Variants in C2orf66 observed in about 807,000 individuals in gnomAD.
The protein encoded by C2orf66 is uncharacterized protein C2orf66.
Under a neutral mutation model 7.0 loss-of-function variants are expected in C2orf66, and 6 were observed. That is an observed-to-expected ratio of 0.86 (90% CI 0.47 to 1.69). The LOEUF (loss-of-function observed/expected upper bound fraction) is 1.69, where lower values mean the gene tolerates loss of function less well. C2orf66 is among the 40% of genes most tolerant of loss of function. The pLI is 0.01. For missense variants in C2orf66, 107 were observed against 112.0 expected (o/e 0.96, Z 0.20); for synonymous variants, 38 against 43.8 (o/e 0.87, Z 0.52).
the C2orf66 span, among the ~76,000 whole-genome samples, chr2:196,823,800 T>C: frequency 6.6e-6 from 1 of 152,184 alleles, no homozygotes; most frequent in Non-Finnish European, 1.5e-5. Context: ...TCAGGTACAT[T>C]ATCTCATTTA....
At chr2:196,816,669 C>T in the C2orf66 span, among the ~76,000 whole-genome samples, 1 of 152,046 alleles carries the variant, frequency 6.6e-6, no homozygotes, top group Non-Finnish European at 1.5e-5. Flanking sequence ...GGTAACAAAC[C>T]AGCATGTGTA....
At chr2:196,820,957 G>A in the C2orf66 span, among the ~76,000 whole-genome samples, 1 of 152,144 alleles carries the variant, frequency 6.6e-6, no homozygotes, top group Non-Finnish European at 1.5e-5. Context: ...ATTAAGTTAA[G>A]GCTCTTGAGA....
At chr2:196,830,775 C>T in the C2orf66 span, among the ~76,000 whole-genome samples, 9 of 152,220 alleles carry the variant, frequency 5.9e-5, no homozygotes, top group Middle Eastern at 6.8e-3. Flanking sequence ...CCATGGTCTC[C>T]GGGTCTTTCT....
At chr2:196,806,419 G>C (rs1389519234) in intron 2 of C2orf66, among the ~76,000 whole-genome samples, 7 of 151,726 alleles carry the variant, frequency 4.6e-5, no homozygotes. Context: ...GGACGGTCTC[G>C]ATTTCCTGAT....
the C2orf66 span, among the ~76,000 whole-genome samples, chr2:196,815,477 G>T: frequency 6.6e-6 from 1 of 152,130 alleles, no homozygotes; most frequent in African/African-American, 2.4e-5. Flanking sequence ...TATCTAATTT[G>T]GTCTCTTCAT....
upstream of C2orf66, chr2:196,809,420 G>C: frequency 6.4e-7 from 1 of 1,569,946 alleles, no homozygotes. Flanking sequence ...GAGAGAGAAA[G>C]AGGAAACATC....
intron 1 of C2orf66, among the ~76,000 whole-genome samples, chr2:196,808,424 G>A (rs1699838902): frequency 6.6e-6 from 1 of 152,134 alleles, no homozygotes; most frequent in African/African-American, 2.4e-5. Context: ...AACTGTCATG[G>A]CACTGAGGGG....
chr2:196,826,858 C>A, the C2orf66 span, among the ~76,000 whole-genome samples: 1 of 151,848 alleles, frequency 6.6e-6, no homozygotes, highest in African/African-American at 2.4e-5. Flanking sequence ...TGGTGAAGCC[C>A]CATCTCTAAT....
the C2orf66 span, among the ~76,000 whole-genome samples, chr2:196,817,681 T>C: frequency 1.3e-5 from 2 of 152,042 alleles, no homozygotes; most frequent in South Asian, 4.1e-4. Flanking sequence ...GGTATTTCAG[T>C]CCTTATCTCA....
At chr2:196,818,936 C>T in the C2orf66 span, among the ~76,000 whole-genome samples, 414 of 152,244 alleles carry the variant, frequency 2.7e-3, 2 homozygotes, top group African/African-American at 9.5e-3. Context: ...TATCTGGATG[C>T]CCATAAAATA....
upstream of C2orf66, among the ~76,000 whole-genome samples, chr2:196,813,625 A>C (rs1699896788): frequency 6.6e-6 from 1 of 152,228 alleles, no homozygotes; most frequent in East Asian, 1.9e-4. Flanking sequence ...AGAAACTGTC[A>C]ACACAGTGAA....
chr2:196,815,871 T>C, the C2orf66 span, among the ~76,000 whole-genome samples: 1 of 152,106 alleles, frequency 6.6e-6, no homozygotes, highest in African/African-American at 2.4e-5. Flanking sequence ...AATGAGGACA[T>C]AAAATTTAAT....
At chr2:196,812,324 A>T (rs1317861532), upstream of C2orf66, among the ~76,000 whole-genome samples, 1 of 152,224 alleles carries the variant, frequency 6.6e-6, no homozygotes. Flanking sequence ...ACCAATGACA[A>T]AAACCACAAC....
At chr2:196,815,833 G>A in the C2orf66 span, among the ~76,000 whole-genome samples, 4 of 152,148 alleles carry the variant, frequency 2.6e-5, no homozygotes, top group Non-Finnish European at 4.4e-5. Flanking sequence ...AAAACCCAGA[G>A]CTGATACAGC....
chr2:196,816,626 T>A, the C2orf66 span, among the ~76,000 whole-genome samples: 3 of 152,158 alleles, frequency 2.0e-5, no homozygotes, highest in Admixed American at 6.5e-5. Flanking sequence ...GGATCATTCA[T>A]ATCCCAAACC....
At chr2:196,821,440 C>A in the C2orf66 span, among the ~76,000 whole-genome samples, 1 of 152,212 alleles carries the variant, frequency 6.6e-6, no homozygotes, top group Non-Finnish European at 1.5e-5. Context: ...ACTAAACACA[C>A]TAAGCTGCAG....
At chr2:196,818,323 C>T in the C2orf66 span, among the ~76,000 whole-genome samples, 1 of 152,190 alleles carries the variant, frequency 6.6e-6, no homozygotes, top group Non-Finnish European at 1.5e-5. Context: ...AGCAAGGTTG[C>T]CATGCTTCCT....
At chr2:196,828,915 T>C in the C2orf66 span, among the ~76,000 whole-genome samples, 2 of 152,272 alleles carry the variant, frequency 1.3e-5, no homozygotes, top group Non-Finnish European at 2.9e-5. Flanking sequence ...GTCAAATTCA[T>C]TGCTCATTGT....
chr2:196,807,225 A>C lies in C2orf66; in HGVS notation c.*19+199T>G, dbSNP rs557939282. 2.6e-5 allele frequency among the ~76,000 whole-genome samples: 4 copies of C among 152,314 alleles called. No homozygotes were observed. The South Asian group carries it at 8.3e-4, about 32-fold the overall frequency. On this transcript the variant is annotated intron_variant, in intron 2 of 2. Coordinates refer to ENST00000342506, the MANE Select transcript of C2orf66 (RefSeq NM_213608.3). ...GGATAACTATGCTTAAAAAATAAAA[A>C]CTGTCATTTCTTTTTAAAACAAGAC...
Sources: allele counts gnomAD v4.1 joint callset (sites outside exome capture counted in the v4.1 genomes callset), GRCh38; gene constraint gnomAD v4.1.1; transcripts MANE v1.5; gene names NCBI Gene and HGNC (gene_info 2026-07-23, HGNC 2026-07-21).